Variants in SEC63 observed in about 807,000 individuals in gnomAD.
The protein encoded by SEC63 is SEC63 protein translocation regulator.
Under a neutral mutation model 116.2 loss-of-function variants are expected in SEC63, and 56 were observed. That is an observed-to-expected ratio of 0.48 (90% CI 0.39 to 0.60). SEC63 has a LOEUF of 0.60. SEC63 is among the 20% of genes least tolerant of loss of function. The probability of loss-of-function intolerance (pLI) is 0.00; values close to 1 mark genes in which losing one functional copy is unlikely to be tolerated. For synonymous variants in SEC63, 273 were observed against 294.6 expected (o/e 0.93, Z 0.75); for missense variants, 668 against 900.0 (o/e 0.74, Z 3.30).
chr6:107,945,198 C>CA (rs1379632671), intron 1 of SEC63, among the ~76,000 whole-genome samples: 2 of 744 alleles, frequency 2.7e-3, no homozygotes, highest in East Asian at 0.012. Flanking sequence ...GACTCCGTCT[C>CA]AAAAAAAAAA....
chr6:107,873,511 C>A (rs561466629), intron 19 of SEC63, among the ~76,000 whole-genome samples: 15 of 152,074 alleles, frequency 9.9e-5, no homozygotes, highest in African/African-American at 3.4e-4. Context: ...CCAGATTTTA[C>A]AGTCAAGATT....
At chr6:107,881,098 T>C in intron 18 of SEC63, 51 bp downstream of exon 18, 2 of 1,302,448 alleles carry the variant, frequency 1.5e-6, no homozygotes, top group South Asian at 1.2e-5. Context: ...GACAAATCCC[T>C]GAGGAGAAAG....
chr6:107,942,082 C>A (rs1770389117), intron 1 of SEC63, among the ~76,000 whole-genome samples: 1 of 152,224 alleles, frequency 6.6e-6, no homozygotes, highest in East Asian at 1.9e-4. Context: ...AATAAAGGTA[C>A]CACAATATAC....
At chr6:107,902,577 A>G (rs1306424287) in intron 12 of SEC63, among the ~76,000 whole-genome samples, 5 of 152,186 alleles carry the variant, frequency 3.3e-5, no homozygotes, top group Admixed American at 6.5e-5. Context: ...TATTTTTGGT[A>G]ACATAATATA....
At chr6:107,942,094 T>G (rs1237512386) in intron 1 of SEC63, among the ~76,000 whole-genome samples, 8 of 152,252 alleles carry the variant, frequency 5.3e-5, no homozygotes, top group Admixed American at 6.5e-5. Flanking sequence ...ACAATATACC[T>G]ACCATTCTAT....
intron 4 of SEC63, among the ~76,000 whole-genome samples, chr6:107,920,080 T>C (rs1403861370): frequency 3.3e-5 from 5 of 152,124 alleles, no homozygotes; most frequent in African/African-American, 4.8e-5. Context: ...ATTACTAGCA[T>C]TTTTTAGCCA....
At position 107,893,552 on chromosome 6, in the gene SEC63, T is replaced by A; in HGVS notation, c.1604A>T (p.Lys535Ile). The A allele has an allele frequency of 6.3e-7, 1 of 1,599,228 alleles. No homozygotes were observed. Among genetic ancestry groups the A allele is most frequent in the Non-Finnish European group, 8.5e-7 (1 of 1,175,956 alleles). Residue 535 changes from lysine (K) to isoleucine (I), a missense_variant, in exon 16 of 21, where the codon AAA becomes ATA. This residue lies in a region of SEC63 where 430 missense variants were observed against 557.5 expected (regional missense o/e 0.77). Transcript: ENST00000369002. Reference sequence around the variant, plus strand: ...CTGTGGTAATAGCACAGGTGTAGGTTTTTTTTTTAAAGGTTTCTTTTTTTT... The same window carrying A: ...CTGTGGTAATAGCACAGGTGTAGGTATTTTTTTTAAAGGTTTCTTTTTTTT... ...KSKKKKPLKK[K>I]PTPVLLPQSK...
At chr6:107,888,977 C>T (rs1786606899) in intron 16 of SEC63, among the ~76,000 whole-genome samples, 1 of 152,212 alleles carries the variant, frequency 6.6e-6, no homozygotes, top group Non-Finnish European at 1.5e-5. Flanking sequence ...TGATGTGCTG[C>T]TGGATTCAGT....
chr6:107,869,298 T>C lies in SEC63; in HGVS notation c.*2406A>G, dbSNP rs1786069855. 1 of 152,210 alleles carries C rather than the reference T, an allele frequency of 6.6e-6. No individual in the cohort carries two copies. The highest frequency in any genetic ancestry group is 2.4e-5 in the African/African-American group (1 of 41,452). The allele number at this position is 152,210 out of a possible 1,614,324, so 9.4% of individuals were successfully genotyped here. A position where few individuals can be genotyped will look rare whatever the true frequency, so the allele number is the denominator to read the frequency against. The stretch of plus-strand genomic sequence containing the variant: ...AACACCTCAGGGCCTCAATCAAATA[T>C]TATAATGCTAAAATACACAACTGCT... On this transcript the variant is annotated 3_prime_UTR_variant, in exon 21 of 21. Transcript: ENST00000369002.
chr6:107,874,574 C>A (rs528665407), intron 19 of SEC63, among the ~76,000 whole-genome samples: 3 of 131,448 alleles, frequency 2.3e-5, no homozygotes, highest in Non-Finnish European at 3.1e-5. Context: ...CCAGCCTGGG[C>A]GACACAGTGA....
Position 107,924,889 on chromosome 6 carries a change from C to G in SEC63, c.268G>C (p.Ala90Pro). 1 of 1,605,948 alleles carries G rather than the reference C, an allele frequency of 6.2e-7. No individual in the cohort carries two copies. Among genetic ancestry groups the G allele is most frequent in the Non-Finnish European group, 8.5e-7 (1 of 1,172,878 alleles). Reference sequence around the variant, plus strand: ...CGGTCTGTTTTGGAAACTTTATATGCAAGGAATAAGAACAATGCCCATCCT... The same window carrying G: ...CGGTCTGTTTTGGAAACTTTATATGGAAGGAATAAGAACAATGCCCATCCT... ...LAGWALFLFL[A>P]YKVSKTDREY... Residue 90 changes from alanine to proline, a missense_variant, in exon 3 of 21, where the codon GCA becomes CCA. Physicochemically the swap from Ala to Pro is conservative, Grantham distance 27. This residue lies in a region of SEC63 where 142 missense variants were observed against 169.5 expected (regional missense o/e 0.84). Transcript: ENST00000369002.
rs1295270018 is a variant in SEC63, at chr6:107,958,019, T to C, written c.-10A>G. 1.2e-6 allele frequency: 2 copies of C among 1,612,324 alleles called. No individual in the cohort carries two copies. The highest frequency in any genetic ancestry group is 1.7e-5 in the Admixed American group (1 of 59,932). On this transcript the variant is annotated 5_prime_UTR_variant, in exon 1 of 21. Coordinates refer to ENST00000369002, the MANE Select transcript of SEC63 (RefSeq NM_007214.5). ...ACTGCTGCCCGGCCATGGCACCCCC[T>C]CCTCCGCCTCGCTCTTCTCACCGCC...
At chr6:107,952,596 A>C (rs1210593447) in intron 1 of SEC63, among the ~76,000 whole-genome samples, 1 of 151,938 alleles carries the variant, frequency 6.6e-6, no homozygotes, top group African/African-American at 2.4e-5. Context: ...TGTCTCTACT[A>C]AAAATACAAA....
At chr6:107,893,233 T>C (rs1786731018) in intron 16 of SEC63, among the ~76,000 whole-genome samples, 1 of 151,690 alleles carries the variant, frequency 6.6e-6, no homozygotes, top group African/African-American at 2.4e-5. Context: ...ATACATAAAA[T>C]ATGACACTTA....
At chr6:107,926,509 G>T in intron 2 of SEC63, among the ~76,000 whole-genome samples, 1 of 152,106 alleles carries the variant, frequency 6.6e-6, no homozygotes, top group East Asian at 1.9e-4. Flanking sequence ...CAAAGCACTG[G>T]AATTAAGGCA....
chr6:107,935,699 C>G (rs1770231088), intron 1 of SEC63, among the ~76,000 whole-genome samples: 1 of 150,364 alleles, frequency 6.7e-6, no homozygotes, highest in Admixed American at 6.6e-5. Context: ...GACCTTTGTT[C>G]ACTTGTTTAT....
In SEC63 at chr6:107,955,975, T is replaced by C. The variant is rs747031466; in HGVS notation, c.124+1911A>G. 13 of 425,936 alleles carry C rather than the reference T, an allele frequency of 3.1e-5. 1 individual carries two copies. Among genetic ancestry groups the C allele is most frequent in the South Asian group, 2.2e-4 (13 of 58,444 alleles). The allele number at this position is 425,936 out of a possible 1,614,324, so 26.4% of individuals were successfully genotyped here. On this transcript the variant is annotated intron_variant, in intron 1 of 20. Coordinates refer to ENST00000369002, the MANE Select transcript of SEC63 (RefSeq NM_007214.5). ...TAATACGAAACTCACCATGAAAATA[T>C]GACTTTCAAATTTCAAAAATCCATC...
intron 3 of SEC63, among the ~76,000 whole-genome samples, chr6:107,923,977 C>A (rs1359401984): frequency 6.6e-6 from 1 of 152,130 alleles, no homozygotes; most frequent in African/African-American, 2.4e-5. Flanking sequence ...TAAAAATATG[C>A]CTTTAGGCTG....
Position 107,893,551 on chromosome 6 carries a change from T to A in SEC63, c.1605A>T (p.Lys535Asn). 2 of 1,563,598 alleles carry A rather than the reference T, an allele frequency of 1.3e-6. No homozygotes were observed. The highest frequency in any genetic ancestry group is 1.7e-6 in the Non-Finnish European group (2 of 1,149,006). Reference protein sequence around the residue: ...KSKKKKPLKKKPTPVLLPQSK... With the variant: ...KSKKKKPLKKNPTPVLLPQSK... ...ACTGTGGTAATAGCACAGGTGTAGG[T>A]TTTTTTTTTAAAGGTTTCTTTTTTT... Residue 535 changes from lysine to asparagine, a missense_variant, in exon 16 of 21, where the codon AAA becomes AAT. Physicochemically the swap from Lys to Asn is moderately conservative, Grantham distance 94. Transcript: ENST00000369002.
Sources: allele counts gnomAD v4.1 joint callset (sites outside exome capture counted in the v4.1 genomes callset), GRCh38; gene constraint gnomAD v4.1.1; regional missense constraint gnomAD v4.1.1; transcripts MANE v1.5; gene names NCBI Gene and HGNC (gene_info 2026-07-23, HGNC 2026-07-21).